The following GFRA1 variants were observed in gnomAD, a reference collection of about 807,000 sequenced individuals.
The protein encoded by GFRA1 is GDNF family receptor alpha-1.
A neutral mutation model predicts 51.6 loss-of-function variants in GFRA1; 16 were observed. That is an observed-to-expected ratio of 0.31 (90% CI 0.21 to 0.47). The LOEUF (loss-of-function observed/expected upper bound fraction) is 0.47, where lower values mean the gene tolerates loss of function less well. GFRA1 is among the 20% of genes least tolerant of loss of function. GFRA1 has a pLI of 1.00. For missense variants in GFRA1, 530 were observed against 594.3 expected (o/e 0.89, Z 1.13); for synonymous variants, 270 against 241.3 (o/e 1.12, Z -1.10).
chr10:116,082,898 A>G (rs1055737458), intron 9 of GFRA1, among the ~76,000 whole-genome samples: 1 of 152,144 alleles, frequency 6.6e-6, no homozygotes, highest in African/African-American at 2.4e-5. Context: ...CTCCTGTGTC[A>G]AAATCTCTAA....
In GFRA1 at chr10:116,270,967, T is replaced by C. The variant is rs561939618; in HGVS notation, c.189A>G (p.Ala63=). Residue 63 remains alanine, a synonymous_variant, in exon 3 of 11, where the codon GCA becomes GCG. Transcript: ENST00000355422. ...VAGKETNFSL[A]SGLEAKDECR... Reference sequence around the variant, plus strand: ...ACTCATCCTTGGCCTCCAGGCCGGATGCCAGGCTGAAGTTGGTCTCCTTGC... The same window carrying C: ...ACTCATCCTTGGCCTCCAGGCCGGACGCCAGGCTGAAGTTGGTCTCCTTGC... The C allele has an allele frequency of 8.1e-6, 13 of 1,614,230 alleles. No homozygotes were observed. In the East Asian group the frequency reaches 1.8e-4, roughly 22 times the overall value.
At chr10:116,137,928 A>G (rs1295147715) in intron 5 of GFRA1, among the ~76,000 whole-genome samples, 1 of 151,940 alleles carries the variant, frequency 6.6e-6, no homozygotes, top group East Asian at 1.9e-4. Flanking sequence ...CAGCCTCCCC[A>G]GTAGCTGGGA....
chr10:116,199,784 T>C (rs1307592759), intron 5 of GFRA1, among the ~76,000 whole-genome samples: 2 of 152,178 alleles, frequency 1.3e-5, no homozygotes, highest in Admixed American at 1.3e-4. Context: ...TTCGCTGAGT[T>C]TTGACAAATG....
At chr10:116,145,797 C>T (rs1368176232) in intron 5 of GFRA1, among the ~76,000 whole-genome samples, 1 of 152,038 alleles carries the variant, frequency 6.6e-6, no homozygotes, top group Non-Finnish European at 1.5e-5. Context: ...TATTATAACC[C>T]AAATGCCCAG....
At chr10:116,177,457 G>C (rs561354275) in intron 5 of GFRA1, among the ~76,000 whole-genome samples, 8 of 152,198 alleles carry the variant, frequency 5.3e-5, no homozygotes, top group Non-Finnish European at 1.2e-4. Context: ...GGTTAGGGGT[G>C]CTCATGAGCT....
At chr10:116,270,711 T>G in intron 3 of GFRA1, 111 bp downstream of exon 3, 1 of 882,940 alleles carries the variant, frequency 1.1e-6, no homozygotes, top group Non-Finnish European at 1.8e-6. Context: ...AGGTCCTCAC[T>G]CTGCAGCTGG....
chr10:116,179,205 G>C (rs1961966290), intron 5 of GFRA1, among the ~76,000 whole-genome samples: 1 of 152,146 alleles, frequency 6.6e-6, no homozygotes, highest in African/African-American at 2.4e-5. Context: ...CTGCTGTCTG[G>C]AAGGCACTGA....
At chr10:116,197,028 C>T (rs74367584) in intron 5 of GFRA1, among the ~76,000 whole-genome samples, 2,009 of 151,520 alleles carry the variant, frequency 0.013, 47 homozygotes, top group African/African-American at 0.046. Flanking sequence ...TCCATGTCCT[C>T]TCCTCTTAGA....
intron 9 of GFRA1, among the ~76,000 whole-genome samples, chr10:116,067,529 G>A (rs915187906): frequency 6.6e-6 from 1 of 152,184 alleles, no homozygotes; most frequent in Non-Finnish European, 1.5e-5. Context: ...CAAGGGCTGG[G>A]AAGGCCTCCT....
At chr10:116,271,557 G>A (rs2134840229) in intron 2 of GFRA1, among the ~76,000 whole-genome samples, 1 of 152,286 alleles carries the variant, frequency 6.6e-6, no homozygotes, top group Middle Eastern at 3.4e-3. Context: ...GCGCGGGGCA[G>A]GCCAGCCATG....
At position 116,270,867 on chromosome 10, in the gene GFRA1, TCTC is replaced by T; in HGVS notation, c.286_288del (p.Glu96del). On this transcript the variant is annotated inframe_deletion, in exon 3 of 11. Transcript: ENST00000355422. ...CTCCAGTAAATGCGCAGGCAGTTCTTCTCCTTCTTCATACCCCGCTTGCAGCGG... is the reference window on the plus strand; with the variant it reads ...CTCCAGTAAATGCGCAGGCAGTTCTTCTTCTTCATACCCCGCTTGCAGCGG... The T allele has an allele frequency of 3.7e-6, 6 of 1,613,958 alleles. No homozygotes were observed. The highest frequency in any genetic ancestry group is 1.1e-5 in the South Asian group (1 of 91,090).
At chr10:116,240,381 A>T (rs780768047) in intron 4 of GFRA1, among the ~76,000 whole-genome samples, 1 of 152,182 alleles carries the variant, frequency 6.6e-6, no homozygotes, top group Non-Finnish European at 1.5e-5. Context: ...CTCCCTATGC[A>T]GTGAAAATTA....
chr10:116,074,788 C>T (rs552504628), intron 9 of GFRA1, among the ~76,000 whole-genome samples: 1 of 152,202 alleles, frequency 6.6e-6, no homozygotes, highest in Non-Finnish European at 1.5e-5. Context: ...AGAACCAGGG[C>T]TGTTTGCTTC....
chr10:116,090,701 G>C (rs1956297547), intron 8 of GFRA1, among the ~76,000 whole-genome samples: 2 of 151,864 alleles, frequency 1.3e-5, no homozygotes, highest in Non-Finnish European at 2.9e-5. Flanking sequence ...TTCTAATCAG[G>C]TCTTCGGGGA....
chr10:116,191,765 G>A (rs551115085), intron 5 of GFRA1, among the ~76,000 whole-genome samples: 3 of 152,304 alleles, frequency 2.0e-5, no homozygotes, highest in African/African-American at 4.8e-5. Flanking sequence ...AGTGGCTCAC[G>A]CCTGTAATCC....
chr10:116,101,256 G>A (rs1024049019), intron 6 of GFRA1, among the ~76,000 whole-genome samples: 6 of 152,230 alleles, frequency 3.9e-5, no homozygotes, highest in Non-Finnish European at 7.3e-5. Context: ...TGAATGTCCA[G>A]TATGGGATTA....
chr10:116,132,078 T>G (rs1161897811), intron 5 of GFRA1, among the ~76,000 whole-genome samples: 1 of 151,898 alleles, frequency 6.6e-6, no homozygotes, highest in East Asian at 1.9e-4. Flanking sequence ...CATGGTGGCA[T>G]GTGCCTGTAG....
At chr10:116,087,493 T>C (rs1956148366) in intron 9 of GFRA1, among the ~76,000 whole-genome samples, 1 of 152,194 alleles carries the variant, frequency 6.6e-6, no homozygotes, top group Non-Finnish European at 1.5e-5. Flanking sequence ...CTCCACAAAG[T>C]TTCTAAAACA....
chr10:116,242,186 G>A lies in GFRA1; in HGVS notation c.418+27317C>T, dbSNP rs563693849. On this transcript the variant is annotated intron_variant, in intron 4 of 10. Coordinates refer to ENST00000355422, the MANE Select transcript of GFRA1 (RefSeq NM_005264.8). Reference sequence around the variant, plus strand: ...GTTTAGACACAGTCTGAAACCCTGTGCGTTGGCAATTGAAAGCACAATTAT... The same window carrying A: ...GTTTAGACACAGTCTGAAACCCTGTACGTTGGCAATTGAAAGCACAATTAT... 4.1e-4 allele frequency among the ~76,000 whole-genome samples: 63 copies of A among 152,246 alleles called. 1 individual carries two copies. In the Middle Eastern group the frequency reaches 0.02, roughly 49 times the overall value.
Sources: allele counts gnomAD v4.1 joint callset (sites outside exome capture counted in the v4.1 genomes callset), GRCh38; gene constraint gnomAD v4.1.1; transcripts MANE v1.5; gene names NCBI Gene and HGNC (gene_info 2026-07-23, HGNC 2026-07-21).